Variants in SHROOM4 observed in about 807,000 individuals in gnomAD.
SHROOM4 encodes the protein protein Shroom4.
SHROOM4 carries 17 observed loss-of-function variants against 80.3 expected under a neutral mutation model. That is an observed-to-expected ratio of 0.21 (90% CI 0.14 to 0.32). SHROOM4 has a LOEUF of 0.32. Among genes scored for constraint, SHROOM4 ranks in the 10% least tolerant of loss-of-function variants. The pLI is 1.00. For missense variants in SHROOM4, 993 were observed against 1,140.3 expected (o/e 0.87, Z 1.86); for synonymous variants, 400 against 437.5 (o/e 0.91, Z 1.07).
chrX:50,677,155 G>A (rs1001792603), intron 2 of SHROOM4, among the ~76,000 whole-genome samples: 5 of 111,457 alleles, frequency 4.5e-5, no homozygotes, highest in Non-Finnish European at 9.5e-5. Context: ...AACACAGTAT[G>A]AATTATAGTT....
chrX:50,794,647 T>TACACACAC lies in SHROOM4; in HGVS notation c.117+19247_117+19254dup, dbSNP rs55726150. ...TCTGACACACACAAACACACACACA[T>TACACACAC]ACACACACACACACACACACACTAA... On this transcript the variant is annotated intron_variant, in intron 1 of 8. Coordinates refer to ENST00000376020, the MANE Select transcript of SHROOM4 (RefSeq NM_020717.5). Among the ~76,000 whole-genome samples the TACACACAC allele has an allele frequency of 3.2e-3, 312 of 97,205 alleles. 1 individual carries two copies. Among genetic ancestry groups the TACACACAC allele is most frequent in the African/African-American group, 0.011 (294 of 27,060 alleles). 84.4% of individuals were successfully genotyped at this position (97,205 alleles called of 115,157 possible).
At chrX:50,749,019 C>T (rs782048843) in intron 1 of SHROOM4, among the ~76,000 whole-genome samples, 2 of 111,566 alleles carry the variant, frequency 1.8e-5, no homozygotes, top group South Asian at 3.7e-4. Context: ...AAGACCAGCC[C>T]GGGCAACATG....
Position 50,590,623 on chromosome X carries a change from C to G in SHROOM4, c.*6072G>C, listed in dbSNP as rs1224558163. 1.8e-5 allele frequency among the ~76,000 whole-genome samples: 2 copies of G among 111,866 alleles called. No individual in the cohort carries two copies. Among genetic ancestry groups the G allele is most frequent in the Non-Finnish European group, 3.8e-5 (2 of 53,191 alleles). The stretch of plus-strand genomic sequence containing the variant: ...CCATCTGCAAACCATAAAGTGGGCC[C>G]TCACAAGGCATTGAATCTGCTGGCA... On this transcript the variant is annotated 3_prime_UTR_variant, in exon 9 of 9. Coordinates refer to ENST00000376020, the MANE Select transcript of SHROOM4 (RefSeq NM_020717.5).
chrX:50,623,245 T>TATC (rs782315316), intron 5 of SHROOM4, among the ~76,000 whole-genome samples: 121 of 111,585 alleles, frequency 1.1e-3, no homozygotes, highest in African/African-American at 3.9e-3. Flanking sequence ...TGGAGTGCAG[T>TATC]ATCACAATCT....
chrX:50,708,271 C>T (rs1260056799), intron 1 of SHROOM4, among the ~76,000 whole-genome samples: 6 of 112,302 alleles, frequency 5.3e-5, no homozygotes, highest in South Asian at 3.7e-4. Context: ...TTTCATCAAT[C>T]GCTGTTCAAC....
At chrX:50,615,830 T>C (rs1557250698) in intron 5 of SHROOM4, among the ~76,000 whole-genome samples, 1 of 111,630 alleles carries the variant, frequency 9.0e-6, no homozygotes, top group Non-Finnish European at 1.9e-5. Flanking sequence ...AGGCTGTGTT[T>C]GCATAGCAAG....
At chrX:50,598,163 C>A in intron 8 of SHROOM4, 103 bp downstream of exon 8, 1 of 1,075,711 alleles carries the variant, frequency 9.3e-7, no homozygotes, top group Middle Eastern at 3.5e-4. Flanking sequence ...CTTTTAATCC[C>A]ATGCTCTACT....
chrX:50,664,671 T>A (rs1394140172), intron 2 of SHROOM4, among the ~76,000 whole-genome samples: 1 of 112,189 alleles, frequency 8.9e-6, no homozygotes, highest in Non-Finnish European at 1.9e-5. Context: ...ACATTTTGCA[T>A]GTTTTCTTTT....
chrX:50,797,044 G>C (rs1936030090), intron 1 of SHROOM4, among the ~76,000 whole-genome samples: 1 of 87,302 alleles, frequency 1.1e-5, no homozygotes, highest in African/African-American at 4.2e-5. Flanking sequence ...AGGGGGAAAG[G>C]ATGGGGGGAG....
intron 1 of SHROOM4, among the ~76,000 whole-genome samples, chrX:50,757,684 G>T (rs1477494124): frequency 9.1e-6 from 1 of 110,342 alleles, no homozygotes; most frequent in African/African-American, 3.3e-5. Flanking sequence ...TTAGCCAGGC[G>T]TGGTGGCACA....
chrX:50,779,285 A>G (rs1935574497), intron 1 of SHROOM4, among the ~76,000 whole-genome samples: 1 of 111,835 alleles, frequency 8.9e-6, no homozygotes, highest in Non-Finnish European at 1.9e-5. Flanking sequence ...GTTCCTTATA[A>G]GAAGAGGGCT....
In SHROOM4 at chrX:50,633,554, G is replaced by A. The variant is rs782154529; in HGVS notation, c.2519C>T (p.Thr840Ile). The A allele has an allele frequency of 1.7e-6, 2 of 1,211,943 alleles. No homozygotes were observed. Among genetic ancestry groups the A allele is most frequent in the Admixed American group, 2.2e-5 (1 of 46,086 alleles). ...TGACATGGAATGATATGATTGGTCT[G>A]TGGCATGATATGGTTGGTCTGCGGA... ...YHSADQPYHA[T>I]DQSYHSMSPL... The change falls in exon 4 of 9, where the codon ACA becomes ATA. Residue 840 changes from threonine (T) to isoleucine (I), a missense_variant. Transcript: ENST00000376020.
chrX:50,728,099 G>C (rs1251141959), intron 1 of SHROOM4, among the ~76,000 whole-genome samples: 4 of 111,697 alleles, frequency 3.6e-5, no homozygotes, highest in Non-Finnish European at 7.5e-5. Context: ...CATAGAAATA[G>C]CCCAAATCCC....
intron 1 of SHROOM4, among the ~76,000 whole-genome samples, chrX:50,813,154 C>T (rs782303829): frequency 3.1e-3 from 250 of 81,011 alleles, no homozygotes; most frequent in African/African-American, 0.01. Flanking sequence ...GCGGCGGCGG[C>T]GGCAGTGGCG....
intron 1 of SHROOM4, among the ~76,000 whole-genome samples, chrX:50,722,966 A>C: frequency 9.1e-6 from 1 of 110,008 alleles, no homozygotes; most frequent in Admixed American, 9.8e-5. Context: ...TCATCCATTT[A>C]AGCGAAATGC....
intron 1 of SHROOM4, among the ~76,000 whole-genome samples, chrX:50,696,364 CG>C (rs1869623624): frequency 8.9e-6 from 1 of 111,848 alleles, no homozygotes; most frequent in East Asian, 2.8e-4. Context: ...GTCTGACAAA[CG>C]TAAGTTTGAA....
At chrX:50,807,092 A>G (rs1359732370) in intron 1 of SHROOM4, among the ~76,000 whole-genome samples, 1 of 112,129 alleles carries the variant, frequency 8.9e-6, no homozygotes, top group Non-Finnish European at 1.9e-5. Context: ...CGTTTCCTAG[A>G]CCTCTACACT....
At chrX:50,618,299 CCTT>C in intron 5 of SHROOM4, among the ~76,000 whole-genome samples, 4 of 138 alleles carry the variant, frequency 0.029, no homozygotes, top group African/African-American at 0.071. Flanking sequence ...TTCCTTCCTT[CCTT>C]CCTTCCTTCC....
chrX:50,599,919 G>T (rs1299475862), intron 7 of SHROOM4, among the ~76,000 whole-genome samples: 1 of 111,503 alleles, frequency 9.0e-6, no homozygotes, highest in African/African-American at 3.3e-5. Context: ...GCTAATGATT[G>T]TAAGTTTCTT....
Sources: gnomAD v4.1 joint callset for allele counts (sites outside exome capture counted in the v4.1 genomes callset) on GRCh38, gnomAD v4.1.1 for gene constraint, MANE v1.5 for transcripts, NCBI Gene and HGNC (gene_info 2026-07-23, HGNC 2026-07-21) for gene names.